MID1: variants seen among roughly 807,000 people sequenced by gnomAD.
The protein encoded by MID1 is midline 1, also known as E3 ubiquitin-protein ligase Midline-1.
MID1 carries 7 observed loss-of-function variants against 40.4 expected under a neutral mutation model. The ratio of observed to expected loss-of-function variants is 0.17; its 90% confidence interval spans 0.10 to 0.33. The LOEUF (loss-of-function observed/expected upper bound fraction) is 0.33. Among genes scored for constraint, MID1 ranks in the 10% least tolerant of loss-of-function variants. MID1 has a pLI of 1.00. For missense variants in MID1, 367 were observed against 558.5 expected, an observed-to-expected ratio of 0.66 and a Z score of 3.46; for synonymous variants, 229 against 221.2, an observed-to-expected ratio of 1.04 and a Z score of -0.31.
intron 1 of MID1, among the ~76,000 whole-genome samples, chrX:10,783,545 A>G (rs937829286): frequency 2.7e-5 from 3 of 111,863 alleles, no homozygotes; most frequent in African/African-American, 9.7e-5. Context: ...TCTAGCTGGT[A>G]CTTTGCAAAT....
chrX:10,461,083 AATATAT>A (rs35175429), intron 7 of MID1, among the ~76,000 whole-genome samples: 3 of 99,355 alleles, frequency 3.0e-5, no homozygotes, highest in East Asian at 3.0e-4. Context: ...CAGTGAATTA[AATATAT>A]ATATATATAT....
chrX:10,670,086 G>A (rs980838424), intron 1 of MID1, among the ~76,000 whole-genome samples: 4 of 112,008 alleles, frequency 3.6e-5, no homozygotes, highest in African/African-American at 1.3e-4. Flanking sequence ...CTGTAAAGAG[G>A]GTCTTTCCGA....
intron 1 of MID1, among the ~76,000 whole-genome samples, chrX:10,821,593 T>C (rs764609435): frequency 1.8e-5 from 2 of 112,208 alleles, no homozygotes; most frequent in South Asian, 7.5e-4. Context: ...TGCTGTTTGC[T>C]CCTCCTTTCG....
At chrX:10,475,934 C>T (rs1929981976) in intron 5 of MID1, among the ~76,000 whole-genome samples, 1 of 111,541 alleles carries the variant, frequency 9.0e-6, no homozygotes, top group Admixed American at 9.6e-5. Context: ...TTTTGAGTCT[C>T]TTAATGGCTC....
chrX:10,503,373 C>CA (rs1569072618), intron 3 of MID1, among the ~76,000 whole-genome samples: 1 of 111,963 alleles, frequency 8.9e-6, no homozygotes, highest in Non-Finnish European at 1.9e-5. Context: ...ACACCAAAGT[C>CA]AAATACTTGT....
intron 1 of MID1, among the ~76,000 whole-genome samples, chrX:10,802,573 G>A (rs1426439428): frequency 8.9e-6 from 1 of 112,075 alleles, no homozygotes; most frequent in Non-Finnish European, 1.9e-5. Context: ...GTTGATTGTT[G>A]TTGGGAGTGT....
chrX:10,648,711 C>G (rs1301079668), intron 1 of MID1, among the ~76,000 whole-genome samples: 4 of 111,283 alleles, frequency 3.6e-5, no homozygotes, highest in Non-Finnish European at 5.7e-5. Context: ...GTTTTTCTTC[C>G]TGGGCACACG....
intron 2 of MID1, among the ~76,000 whole-genome samples, chrX:10,547,363 G>A (rs919985230): frequency 4.6e-5 from 5 of 109,002 alleles, no homozygotes; most frequent in African/African-American, 1.7e-4. Flanking sequence ...ACCTGAGGTC[G>A]GGAGTTTGAG....
intron 1 of MID1, chrX:10,589,626 C>G (rs1290639639): frequency 2.7e-5 from 3 of 111,544 alleles, no homozygotes; most frequent in Non-Finnish European, 1.9e-5. Flanking sequence ...CAGTTCCTTC[C>G]CAGTGTTCAG....
At chrX:10,817,222 T>A (rs1198707681) in intron 1 of MID1, among the ~76,000 whole-genome samples, 2 of 112,308 alleles carry the variant, frequency 1.8e-5, no homozygotes, top group East Asian at 5.6e-4. Flanking sequence ...TGATCTGTGC[T>A]CTTTAATTTT....
intron 3 of MID1, 28 bp downstream of exon 3, chrX:10,523,064 T>C: frequency 9.6e-7 from 1 of 1,040,770 alleles, no homozygotes; most frequent in Non-Finnish European, 1.3e-6. Context: ...ATATGAAACA[T>C]ACCATACAGA....
chrX:10,544,875 A>G (rs922824300), intron 2 of MID1, among the ~76,000 whole-genome samples: 1 of 112,739 alleles, frequency 8.9e-6, no homozygotes, highest in Admixed American at 9.4e-5. Flanking sequence ...TATAGTAGAA[A>G]TGCAACATAA....
At chrX:10,533,740 T>G (rs1341679522) in intron 2 of MID1, among the ~76,000 whole-genome samples, 1 of 111,912 alleles carries the variant, frequency 8.9e-6, no homozygotes, top group Non-Finnish European at 1.9e-5. Flanking sequence ...AATGCAATGA[T>G]TGAATAAATT....
chrX:10,666,764 A>C (rs372899555), intron 1 of MID1, among the ~76,000 whole-genome samples: 1 of 111,908 alleles, frequency 8.9e-6, no homozygotes, highest in African/African-American at 3.2e-5. Context: ...GAAGAAGAGA[A>C]GGTAAAGGAG....
At position 10,448,729 on chromosome X, in the gene MID1, A is replaced by G. The variant is rs1330490866; in HGVS notation, c.*639T>C. The stretch of plus-strand genomic sequence containing the variant: ...TCTTTCCAACATTATCCCATCAGCT[A>G]TGAGAAGGTAAAGATTTAGCCACGG... On this transcript the variant is annotated 3_prime_UTR_variant, in exon 10 of 10. Coordinates refer to ENST00000317552, the MANE Select transcript of MID1 (RefSeq NM_000381.4). The G allele has an allele frequency of 8.9e-6, 1 of 112,637 alleles. No individual in the cohort carries two copies. The highest frequency in any genetic ancestry group is 3.2e-5 in the African/African-American group (1 of 30,969). The allele number at this position is 112,637 out of a possible 1,213,427, so 9.3% of individuals were successfully genotyped here.
intron 1 of MID1, among the ~76,000 whole-genome samples, chrX:10,788,220 T>G (rs1456042560): frequency 8.9e-6 from 1 of 111,918 alleles, no homozygotes; most frequent in East Asian, 2.8e-4. Context: ...TTAAATTATG[T>G]ATAAAATAGT....
At chrX:10,511,763 G>A (rs376396320) in intron 3 of MID1, among the ~76,000 whole-genome samples, 2 of 112,144 alleles carry the variant, frequency 1.8e-5, no homozygotes, top group Non-Finnish European at 1.9e-5. Context: ...GAAGTGTTTT[G>A]GATTTTGGAA....
intron 1 of MID1, among the ~76,000 whole-genome samples, chrX:10,640,393 C>A (rs973545936): frequency 9.0e-6 from 1 of 110,612 alleles, no homozygotes; most frequent in Non-Finnish European, 1.9e-5. Flanking sequence ...GACTTTAAAC[C>A]AACAAACATC....
intron 1 of MID1, among the ~76,000 whole-genome samples, chrX:10,741,908 TAAA>T (rs757212044): frequency 9.8e-5 from 11 of 111,718 alleles, no homozygotes; most frequent in Non-Finnish European, 1.9e-4. Flanking sequence ...CTTAAAGTAA[TAAA>T]AAAGTATATT....
Sources: allele counts gnomAD v4.1 joint callset (sites outside exome capture counted in the v4.1 genomes callset), GRCh38; gene constraint gnomAD v4.1.1; transcripts MANE v1.5; gene names NCBI Gene and HGNC (gene_info 2026-07-23, HGNC 2026-07-21).